The following NAALADL2 variants were observed in gnomAD, a reference collection of about 807,000 sequenced individuals.
The protein encoded by NAALADL2 is N-acetylated alpha-linked acidic dipeptidase like 2.
A neutral mutation model predicts 87.2 loss-of-function variants in NAALADL2; 76 were observed. That is an observed-to-expected ratio of 0.87 (90% CI 0.72 to 1.05). The LOEUF (loss-of-function observed/expected upper bound fraction) is 1.05, where lower values mean the gene tolerates loss of function less well. Ranked by LOEUF, NAALADL2 falls within the 50% of genes least tolerant of loss-of-function variation. NAALADL2 has a pLI of 0.00. For missense variants in NAALADL2, 1,089 were observed against 945.8 expected (o/e 1.15, Z -1.99); for synonymous variants, 354 against 331.0 (o/e 1.07, Z -0.75).
At chr3:175,166,535 C>A (rs1439053751) in intron 2 of NAALADL2, among the ~76,000 whole-genome samples, 3 of 151,632 alleles carry the variant, frequency 2.0e-5, no homozygotes, top group African/African-American at 7.3e-5. Flanking sequence ...TATTAAGAAA[C>A]CATGTTCTTT....
intron 3 of NAALADL2, among the ~76,000 whole-genome samples, chr3:174,785,614 CTT>C (rs199766930): frequency 6.6e-6 from 1 of 152,036 alleles, no homozygotes; most frequent in East Asian, 1.9e-4. Flanking sequence ...TATTTGGGCT[CTT>C]TTTTGTCACT....
In NAALADL2 at chr3:175,216,320, G is replaced by A. The variant is rs139254571; in HGVS notation, c.546-17611G>A. Among the ~76,000 whole-genome samples the A allele has an allele frequency of 9.2e-5, 14 of 152,064 alleles. No homozygotes were observed. In the East Asian group the frequency reaches 1.5e-3, roughly 17 times the overall value. On this transcript the variant is annotated intron_variant, in intron 2 of 13. Coordinates refer to ENST00000454872, the MANE Select transcript of NAALADL2 (RefSeq NM_207015.3). ...GGCCATCTCTTTAGCCTAATTTTTG[G>A]TTCTGTTCATTTTTAGGAAATCAGT...
chr3:175,785,606 G>A (rs1342579045), intron 13 of NAALADL2, among the ~76,000 whole-genome samples: 9 of 138,520 alleles, frequency 6.5e-5, no homozygotes, highest in East Asian at 4.0e-4. Flanking sequence ...GTCTCTGCAC[G>A]TGAGATGGGT....
intron 11 of NAALADL2, among the ~76,000 whole-genome samples, chr3:175,694,505 G>C (rs1275282672): frequency 6.6e-6 from 1 of 152,078 alleles, no homozygotes; most frequent in Non-Finnish European, 1.5e-5. Context: ...TACAGACTTT[G>C]GTTGCTCATT....
rs569657448 is a variant in NAALADL2, at chr3:174,596,259, A to G, written c.-115+45622A>G. Among the ~76,000 whole-genome samples, 9 of 152,214 alleles carry G rather than the reference A, an allele frequency of 5.9e-5. No individual in the cohort carries two copies. The South Asian group carries it at 1.9e-3, about 32-fold the overall frequency. On this transcript the variant is annotated intron_variant, in intron 2 of 3. Transcript: ENST00000434257. Reference sequence around the variant, plus strand: ...GCTTATGGTAAAGCCAACGTGCCAAATGCAATGAGCACAACAAATTCCTTA... The same window carrying G: ...GCTTATGGTAAAGCCAACGTGCCAAGTGCAATGAGCACAACAAATTCCTTA...
chr3:174,854,791 A>T (rs1012991015), upstream of NAALADL2, among the ~76,000 whole-genome samples: 1 of 151,648 alleles, frequency 6.6e-6, no homozygotes, highest in Non-Finnish European at 1.5e-5. Context: ...TTTATTATCA[A>T]ATATTACGTA....
At chr3:174,737,883 G>A (rs1018891370) in intron 3 of NAALADL2, 2 of 152,086 alleles carry the variant, frequency 1.3e-5, no homozygotes, top group Non-Finnish European at 2.9e-5. Context: ...ATTATTCTGT[G>A]GCAAAATTTT....
chr3:174,627,718 T>C (rs947999863), intron 2 of NAALADL2, among the ~76,000 whole-genome samples: 7 of 152,198 alleles, frequency 4.6e-5, no homozygotes, highest in African/African-American at 1.4e-4. Flanking sequence ...GGATTAAAAA[T>C]GTGGTATGTG....
chr3:175,543,023 C>A lies in NAALADL2; in HGVS notation c.1654-33018C>A, dbSNP rs57078959. On this transcript the variant is annotated intron_variant, in intron 9 of 13. Coordinates refer to ENST00000454872, the MANE Select transcript of NAALADL2 (RefSeq NM_207015.3). ...CTTATGTAATGTTGCTTCAACCTATCATTTCACCTCTACAAACAGAGAATT... is the reference window on the plus strand; with the variant it reads ...CTTATGTAATGTTGCTTCAACCTATAATTTCACCTCTACAAACAGAGAATT... 1.8e-3 allele frequency among the ~76,000 whole-genome samples: 278 copies of A among 152,286 alleles called. 4 individuals are homozygous for A. Among genetic ancestry groups the A allele is most frequent in the African/African-American group, 6.5e-3 (271 of 41,556 alleles).
chr3:175,055,271 C>T (rs1442032641), intron 1 of NAALADL2, among the ~76,000 whole-genome samples: 1 of 152,206 alleles, frequency 6.6e-6, no homozygotes, highest in African/African-American at 2.4e-5. Context: ...TCTCCTGGCC[C>T]TGCTTTCCAG....
At chr3:175,545,254 G>T (rs1006180077) in intron 9 of NAALADL2, among the ~76,000 whole-genome samples, 1 of 152,098 alleles carries the variant, frequency 6.6e-6, no homozygotes, top group Admixed American at 6.6e-5. Context: ...GGCCCAAACA[G>T]CCTTAGAGTA....
intron 3 of NAALADL2, among the ~76,000 whole-genome samples, chr3:174,794,646 T>C (rs1717856658): frequency 6.6e-6 from 1 of 152,160 alleles, no homozygotes; most frequent in African/African-American, 2.4e-5. Context: ...GCTCTTCCCA[T>C]GTGGAGCATA....
intron 1 of NAALADL2, among the ~76,000 whole-genome samples, chr3:175,069,456 A>T (rs1367262908): frequency 2.0e-5 from 3 of 149,718 alleles, no homozygotes; most frequent in African/African-American, 7.6e-5. Context: ...TCAAAAGCAC[A>T]ATGAGATACC....
intron 13 of NAALADL2, among the ~76,000 whole-genome samples, chr3:175,762,844 GA>G (rs1428853864): frequency 7.2e-5 from 11 of 152,062 alleles, no homozygotes; most frequent in Non-Finnish European, 1.2e-4. Flanking sequence ...AGCACTTTGG[GA>G]AGGCCGAGGC....
intron 1 of NAALADL2, among the ~76,000 whole-genome samples, chr3:175,076,048 C>T (rs1716530214): frequency 6.6e-6 from 1 of 151,822 alleles, no homozygotes; most frequent in African/African-American, 2.4e-5. Flanking sequence ...GGCAACATGG[C>T]AAAATTCCGT....
intron 12 of NAALADL2, among the ~76,000 whole-genome samples, chr3:175,745,164 G>A (rs530577290): frequency 7.6e-4 from 115 of 152,234 alleles, no homozygotes; most frequent in African/African-American, 2.5e-3. Flanking sequence ...CCAGAAAGAA[G>A]GATAATTTAC....
At chr3:174,902,639 C>T (rs1732453441) in intron 1 of NAALADL2, among the ~76,000 whole-genome samples, 1 of 152,008 alleles carries the variant, frequency 6.6e-6, no homozygotes, top group Non-Finnish European at 1.5e-5. Flanking sequence ...CTGGAATTTT[C>T]AAGGAGATAT....
intron 2 of NAALADL2, among the ~76,000 whole-genome samples, chr3:175,113,513 T>G: frequency 6.6e-6 from 1 of 151,702 alleles, no homozygotes; most frequent in South Asian, 2.1e-4. Flanking sequence ...AGGTCCCATA[T>G]TTTACCGAGC....
chr3:175,180,468 A>G (rs7649270), intron 2 of NAALADL2, among the ~76,000 whole-genome samples: 126,745 of 151,560 alleles, frequency 0.84, 53,283 homozygotes, highest in East Asian at 0.93. Context: ...TAATTTTCAA[A>G]GCTTAATCAT....
Sources: gnomAD v4.1 joint callset for allele counts (sites outside exome capture counted in the v4.1 genomes callset) on GRCh38, gnomAD v4.1.1 for gene constraint, MANE v1.5 for transcripts, NCBI Gene and HGNC (gene_info 2026-07-23, HGNC 2026-07-21) for gene names.